PSD3: variants seen among roughly 807,000 people sequenced by gnomAD.
PSD3 encodes the protein PH and SEC7 domain-containing protein 3.
A neutral mutation model predicts 105.5 loss-of-function variants in PSD3; 49 were observed. The ratio of observed to expected loss-of-function variants is 0.46; its 90% CI spans 0.37 to 0.59. The LOEUF (loss-of-function observed/expected upper bound fraction) is 0.59, where lower values mean the gene tolerates loss of function less well. Ranked by LOEUF, PSD3 falls within the 20% of genes least tolerant of loss-of-function variation. The pLI, the probability that PSD3 is intolerant of heterozygous loss-of-function variation, is 0.00. For missense variants in PSD3, 1,561 were observed against 1,263.8 expected (o/e 1.24, Z -3.57); for synonymous variants, 557 against 457.8 (o/e 1.22, Z -2.77).
At chr8:18,718,187 C>G (rs1181425465) in intron 9 of PSD3, among the ~76,000 whole-genome samples, 1 of 152,226 alleles carries the variant, frequency 6.6e-6, no homozygotes, top group Non-Finnish European at 1.5e-5. Flanking sequence ...ACAACACCCT[C>G]AACAAGGTTA....
rs13257734 is a variant in PSD3 at position 18,530,713 on chromosome 8, T to C, written c.*5030A>G. The C allele has an allele frequency of 1.3e-5, 2 of 152,092 alleles. No homozygotes were observed. The highest frequency in any genetic ancestry group is 4.8e-5 in the African/African-American group (2 of 41,324). The allele number at this position is 152,092 out of a possible 1,614,324, so 9.4% of individuals were successfully genotyped here. ...TTTTTTTTTTTTTCTTTTCTTTCTG[T>C]ATTTCCCAAATTACAGGGAGCTATG... On this transcript the variant is annotated 3_prime_UTR_variant, in exon 16 of 16. Coordinates refer to ENST00000327040, the MANE Select transcript of PSD3 (RefSeq NM_015310.4).
chr8:18,762,296 C>T (rs1806605487), intron 9 of PSD3, among the ~76,000 whole-genome samples: 1 of 152,132 alleles, frequency 6.6e-6, no homozygotes, highest in African/African-American at 2.4e-5. Flanking sequence ...GCTCCGGCCA[C>T]TTAAGATGTG....
At chr8:18,575,311 AG>A (rs1802401830) in intron 12 of PSD3, 26 bp from the exon 13 acceptor site, 1 of 1,532,276 alleles carries the variant, frequency 6.5e-7, no homozygotes, top group African/African-American at 1.4e-5. Flanking sequence ...AAGAAAATAA[AG>A]GCAAAAATCA....
At chr8:18,817,654 T>C (rs1812323632) in intron 4 of PSD3, among the ~76,000 whole-genome samples, 1 of 152,242 alleles carries the variant, frequency 6.6e-6, no homozygotes, top group South Asian at 2.1e-4. Context: ...AAATGTTTTC[T>C]TTCATGAATC....
At chr8:18,753,631 G>A (rs1585845038) in intron 9 of PSD3, among the ~76,000 whole-genome samples, 1 of 152,012 alleles carries the variant, frequency 6.6e-6, no homozygotes, top group African/African-American at 2.4e-5. Flanking sequence ...ACATTGACAG[G>A]GAACAGAGTT....
At chr8:18,829,684 G>A (rs575090430) in intron 4 of PSD3, among the ~76,000 whole-genome samples, 12 of 152,012 alleles carry the variant, frequency 7.9e-5, no homozygotes, top group Admixed American at 2.6e-4. Flanking sequence ...TGAAGCCTGC[G>A]GAAACCCTCG....
chr8:18,539,646 C>G (rs1422288100), intron 15 of PSD3, among the ~76,000 whole-genome samples: 1 of 149,626 alleles, frequency 6.7e-6, no homozygotes, highest in Non-Finnish European at 1.5e-5. Flanking sequence ...CGACTGGGTT[C>G]AAGCAATTCC....
intron 11 of PSD3, among the ~76,000 whole-genome samples, chr8:18,607,838 G>T (rs1804966150): frequency 1.3e-5 from 2 of 152,108 alleles, no homozygotes; most frequent in Admixed American, 6.5e-5. Context: ...CTCAGGAAAT[G>T]TACAATCACG....
chr8:18,685,701 G>C lies in PSD3; in HGVS notation c.2173-30016C>G, dbSNP rs73591534. Among the ~76,000 whole-genome samples, 1,010 of 152,202 alleles carry C rather than the reference G, an allele frequency of 6.6e-3. 13 individuals carry two copies. Among genetic ancestry groups the C allele is most frequent in the African/African-American group, 0.023 (971 of 41,508 alleles). Reference sequence around the variant, plus strand: ...GCATATTCCAAAGACATAAAAAGTGGTGTACTATAGCAGTAAAATAAAATC... The same window carrying C: ...GCATATTCCAAAGACATAAAAAGTGCTGTACTATAGCAGTAAAATAAAATC... On this transcript the variant is annotated intron_variant, in intron 9 of 15. Coordinates refer to ENST00000327040, the MANE Select transcript of PSD3 (RefSeq NM_015310.4).
chr8:18,831,390 A>G (rs1451126166), intron 4 of PSD3, among the ~76,000 whole-genome samples: 1 of 152,208 alleles, frequency 6.6e-6, no homozygotes, highest in Non-Finnish European at 1.5e-5. Flanking sequence ...TGATCACCGT[A>G]TTTTTAGTTC....
chr8:18,935,486 G>C (rs1248871437), intron 2 of PSD3, among the ~76,000 whole-genome samples: 1 of 148,796 alleles, frequency 6.7e-6, no homozygotes, highest in South Asian at 2.1e-4. Context: ...GACCAGCCTA[G>C]GTAGCATAGC....
rs182807086 is a variant in PSD3, at chr8:18,745,187, A to G, written c.2172+20262T>C. On this transcript the variant is annotated intron_variant, in intron 9 of 15. Transcript: ENST00000327040. ...CCTCATAATGAATAAATATCCTGGG[A>G]GAGATACTTTGAGACTACACAAATA... Among the ~76,000 whole-genome samples, 4 of 152,278 alleles carry G rather than the reference A, an allele frequency of 2.6e-5. No individual in the cohort carries two copies. The East Asian group carries it at 7.7e-4, about 29-fold the overall frequency.
intron 1 of PSD3, among the ~76,000 whole-genome samples, chr8:19,070,335 A>T (rs1427822261): frequency 6.7e-6 from 1 of 149,790 alleles, no homozygotes; most frequent in Non-Finnish European, 1.5e-5. Context: ...TTTATGACTG[A>T]TGTATTTACA....
chr8:19,037,879 T>C (rs1827995305), intron 1 of PSD3, among the ~76,000 whole-genome samples: 1 of 151,154 alleles, frequency 6.6e-6, no homozygotes, highest in Non-Finnish European at 1.5e-5. Context: ...ACAATTCCCA[T>C]AATAAATCTC....
intron 2 of PSD3, among the ~76,000 whole-genome samples, chr8:18,918,491 CA>C: frequency 6.6e-6 from 1 of 152,308 alleles, no homozygotes; most frequent in East Asian, 1.9e-4. Flanking sequence ...CTGTAGGCTT[CA>C]TATTTCTACC....
At chr8:18,648,217 G>T (rs1281000934) in intron 10 of PSD3, among the ~76,000 whole-genome samples, 1 of 152,208 alleles carries the variant, frequency 6.6e-6, no homozygotes, top group African/African-American at 2.4e-5. Context: ...GAAGATGACA[G>T]GAAGATGAGG....
intron 8 of PSD3, among the ~76,000 whole-genome samples, chr8:18,773,114 T>C (rs1430958475): frequency 1.3e-5 from 2 of 152,202 alleles, no homozygotes; most frequent in African/African-American, 2.4e-5. Context: ...GTGATGTTTT[T>C]CCCCTATGTT....
At chr8:18,903,077 G>A (rs1379493306) in intron 2 of PSD3, among the ~76,000 whole-genome samples, 1 of 152,140 alleles carries the variant, frequency 6.6e-6, no homozygotes, top group Non-Finnish European at 1.5e-5. Flanking sequence ...AGGATTGGAT[G>A]TAAGTTGCCC....
At chr8:18,601,204 C>A (rs1207350829) in intron 11 of PSD3, among the ~76,000 whole-genome samples, 1 of 152,178 alleles carries the variant, frequency 6.6e-6, no homozygotes, top group Non-Finnish European at 1.5e-5. Context: ...GAATTCTCTA[C>A]TGACTTGTAT....
Sources: allele counts gnomAD v4.1 joint callset (sites outside exome capture counted in the v4.1 genomes callset), GRCh38; gene constraint gnomAD v4.1.1; transcripts MANE v1.5; gene names NCBI Gene and HGNC (gene_info 2026-07-23, HGNC 2026-07-21).